The following TRUB1 variants were observed in gnomAD, a reference collection of about 807,000 sequenced individuals.
TRUB1 encodes TruB pseudouridine synthase family member 1, also known as pseudouridylate synthase TRUB1.
In TRUB1, 23 loss-of-function variants were observed where a neutral mutation model predicts 33.9. The ratio of observed to expected loss-of-function variants is 0.68; its 90% confidence interval spans 0.49 to 0.96. The LOEUF is 0.96. Among genes scored for constraint, TRUB1 ranks in the 40% least tolerant of loss-of-function variants. The pLI, the probability that TRUB1 is intolerant of heterozygous loss-of-function variation, is 0.00. For synonymous variants in TRUB1, 163 were observed against 165.4 expected, an observed-to-expected ratio of 0.99 and a Z score of 0.11; for missense variants, 378 against 422.2, an observed-to-expected ratio of 0.90 and a Z score of 0.92.
In TRUB1 at chr10:114,970,357, A is replaced by ATT; in HGVS notation, c.524-7_524-6dup. 6.3e-7 allele frequency: 1 copy of ATT among 1,595,276 alleles called. No individual in the cohort carries two copies. Among genetic ancestry groups the ATT allele is most frequent in the Non-Finnish European group, 8.6e-7 (1 of 1,166,216 alleles). The stretch of plus-strand genomic sequence containing the variant: ...GGTTGTTTTAGTGTCTTTTTTGTTG[A>ATT]TTTTTGGCAGATAAAATAACACAAG... On this transcript the variant is annotated splice_polypyrimidine_tract_variant and intron_variant, in intron 4 of 7. Transcript: ENST00000298746.
intron 3 of TRUB1, among the ~76,000 whole-genome samples, chr10:114,952,966 T>A (rs2084243823): frequency 6.6e-6 from 1 of 152,208 alleles, no homozygotes; most frequent in Non-Finnish European, 1.5e-5. Context: ...AAGTCACTTT[T>A]ATGTTAATAA....
chr10:114,962,737 T>C (rs1436058862), intron 4 of TRUB1, among the ~76,000 whole-genome samples: 1 of 152,218 alleles, frequency 6.6e-6, no homozygotes, highest in Non-Finnish European at 1.5e-5. Context: ...GTCTGCCAGA[T>C]AGTCATGCAG....
chr10:114,973,143 A>G (rs527783731), intron 6 of TRUB1, among the ~76,000 whole-genome samples: 15 of 152,268 alleles, frequency 9.9e-5, no homozygotes, highest in African/African-American at 3.4e-4. Flanking sequence ...GTTTTGTACC[A>G]TTAGAAAAAA....
rs545121052 is a variant in TRUB1, at chr10:114,961,139, A to C, written c.523+1332A>C. ...GTAGTTTTTCCATCTCCAAAATGAC[A>C]ATAATGATAGCAACCTCATAGTGTG... On this transcript the variant is annotated intron_variant, in intron 4 of 7. Transcript: ENST00000298746. 3.9e-4 allele frequency among the ~76,000 whole-genome samples: 60 copies of C among 152,218 alleles called. No homozygotes were observed. In the South Asian group the frequency reaches 6.6e-3, roughly 17 times the overall value.
chr10:114,962,262 G>A (rs1564700447), intron 4 of TRUB1, among the ~76,000 whole-genome samples: 1 of 152,058 alleles, frequency 6.6e-6, no homozygotes, highest in Non-Finnish European at 1.5e-5. Context: ...CACTTTGTTG[G>A]CCAGGCTGGT....
At chr10:114,950,384 T>C (rs1416051791) in intron 2 of TRUB1, among the ~76,000 whole-genome samples, 2 of 152,258 alleles carry the variant, frequency 1.3e-5, no homozygotes, top group African/African-American at 4.8e-5. Context: ...TGTGTTCTTA[T>C]GCACAGTTAT....
chr10:114,951,382 T>C (rs1235821016), intron 3 of TRUB1, among the ~76,000 whole-genome samples: 1 of 152,232 alleles, frequency 6.6e-6, no homozygotes, highest in African/African-American at 2.4e-5. Flanking sequence ...TGCTCATCAT[T>C]TAACAAAATT....
intron 2 of TRUB1, among the ~76,000 whole-genome samples, chr10:114,949,140 T>C (rs1592049333): frequency 6.6e-6 from 1 of 152,338 alleles, no homozygotes; most frequent in African/African-American, 2.4e-5. Flanking sequence ...GCACTGTGAT[T>C]TTTCTGTATT....
At chr10:114,956,825 A>G (rs2084263599) in intron 3 of TRUB1, among the ~76,000 whole-genome samples, 1 of 152,194 alleles carries the variant, frequency 6.6e-6, no homozygotes. Flanking sequence ...CAGATATAAC[A>G]TGTTTTTAAA....
At chr10:114,953,044 C>A (rs1300801757) in intron 3 of TRUB1, among the ~76,000 whole-genome samples, 1 of 152,010 alleles carries the variant, frequency 6.6e-6, no homozygotes, top group Non-Finnish European at 1.5e-5. Flanking sequence ...ATGTTGAGTT[C>A]ATTGAGATAT....
At chr10:114,973,600 T>C (rs1417813685) in intron 6 of TRUB1, among the ~76,000 whole-genome samples, 1 of 152,220 alleles carries the variant, frequency 6.6e-6, no homozygotes, top group Non-Finnish European at 1.5e-5. Context: ...TGTGGAAATG[T>C]GGCAGCTCTT....
In TRUB1 at chr10:114,951,172, A is replaced by G. The variant is rs192261396; in HGVS notation, c.441+23A>G. The G allele has an allele frequency of 7.5e-6, 12 of 1,594,784 alleles. 1 individual carries two copies. Among genetic ancestry groups the G allele is most frequent in the African/African-American group, 4.0e-5 (3 of 74,438 alleles). On this transcript the variant is annotated intron_variant, in intron 3 of 7. Coordinates refer to ENST00000298746, the MANE Select transcript of TRUB1 (RefSeq NM_139169.5). ...AAGGTAAGAATACTGAAATAGTTCTATTTTTCTTTAATGTTCTTAATGATC... is the reference window on the plus strand; with the variant it reads ...AAGGTAAGAATACTGAAATAGTTCTGTTTTTCTTTAATGTTCTTAATGATC...
Position 114,959,584 on chromosome 10 carries a change from A to G in TRUB1, c.442-142A>G, listed in dbSNP as rs2084276486. ...CAATTGCTTTCCACATATTAAAAAC[A>G]AAACAATTGCAGTCTGTTGTTTTAG... On this transcript the variant is annotated intron_variant, in intron 3 of 7. Transcript: ENST00000298746. 3 of 654,920 alleles carry G rather than the reference A, an allele frequency of 4.6e-6. No homozygotes were observed. In the African/African-American group the frequency reaches 5.6e-5, roughly 12 times the overall value. 40.6% of individuals were successfully genotyped at this position (654,920 alleles called of 1,614,324 possible).
In TRUB1 at chr10:114,938,422, T is replaced by TC; in HGVS notation, c.171dup (p.Lys58GlnfsTer103). ...CAGGACCGGATCCGAAGCCAGGGTC[T>TC]CCAAGGCCGCTTTGGCTACCAAGCT... On this transcript the variant is annotated frameshift_variant, in exon 1 of 8. Coordinates refer to ENST00000298746, the MANE Select transcript of TRUB1 (RefSeq NM_139169.5). LOFTEE classifies it high-confidence loss of function. 6.3e-7 allele frequency: 1 copy of TC among 1,598,304 alleles called. No homozygotes were observed. The highest frequency in any genetic ancestry group is 8.5e-7 in the Non-Finnish European group (1 of 1,172,378).
chr10:114,969,499 G>A (rs999475255), intron 4 of TRUB1: 1 of 151,324 alleles, frequency 6.6e-6, no homozygotes, highest in Non-Finnish European at 1.5e-5. Flanking sequence ...TGTCACCCTC[G>A]CTCAGGGGCC....
In TRUB1 at chr10:114,975,342, AG is replaced by A; in HGVS notation, c.1014del (p.Glu338AspfsTer8). The A allele has an allele frequency of 6.3e-7, 1 of 1,598,020 alleles. No homozygotes were observed. The highest frequency in any genetic ancestry group is 8.5e-7 in the Non-Finnish European group (1 of 1,171,136). Reference sequence around the variant, plus strand: ...AGCTGTGAATATATAACTCTAAATGAGCCAAAGAGAGAAGATGATGTAATTA... The same window carrying A: ...AGCTGTGAATATATAACTCTAAATGACCAAAGAGAGAAGATGATGTAATTA... ...VLSCEYITLN[E>X]PKREDDVIKT... is the part of the protein sequence containing the mutation. On this transcript the variant is annotated frameshift_variant, in exon 8 of 8. Coordinates refer to ENST00000298746, the MANE Select transcript of TRUB1 (RefSeq NM_139169.5). LOFTEE classifies it high-confidence loss of function.
intron 4 of TRUB1, among the ~76,000 whole-genome samples, chr10:114,966,753 T>C (rs1341196368): frequency 2.0e-5 from 3 of 152,238 alleles, no homozygotes; most frequent in Admixed American, 6.5e-5. Context: ...TAATAGTTCA[T>C]TGGTGGTATA....
At chr10:114,946,215 CT>C (rs1220049598) in intron 2 of TRUB1, among the ~76,000 whole-genome samples, 1 of 152,274 alleles carries the variant, frequency 6.6e-6, no homozygotes, top group Admixed American at 6.5e-5. Context: ...GTGTCTTCAT[CT>C]CTTAAAAGAA....
chr10:114,940,097 G>A (rs1023572126), intron 1 of TRUB1, among the ~76,000 whole-genome samples: 2 of 152,008 alleles, frequency 1.3e-5, no homozygotes, highest in Non-Finnish European at 2.9e-5. Context: ...GTAATTGGCT[G>A]TCAGAATTGC....
Sources: gnomAD v4.1 joint callset for allele counts (sites outside exome capture counted in the v4.1 genomes callset) on GRCh38, gnomAD v4.1.1 for gene constraint, MANE v1.5 for transcripts, NCBI Gene and HGNC (gene_info 2026-07-23, HGNC 2026-07-21) for gene names.